Variants in CPXM2 observed in about 807,000 individuals in gnomAD.
CPXM2 encodes inactive carboxypeptidase-like protein X2.
In CPXM2, 66 loss-of-function variants were observed where a neutral mutation model predicts 86.1. The ratio of observed to expected loss-of-function variants is 0.77; its 90% CI spans 0.63 to 0.94. The LOEUF (loss-of-function observed/expected upper bound fraction) is 0.94. Ranked by LOEUF, CPXM2 falls within the 40% of genes least tolerant of loss-of-function variation. CPXM2 has a pLI of 0.00. For missense variants in CPXM2, 948 were observed against 1,026.3 expected, an observed-to-expected ratio of 0.92 and a Z score of 1.04; for synonymous variants, 388 against 400.2, an observed-to-expected ratio of 0.97 and a Z score of 0.36.
intron 2 of CPXM2, among the ~76,000 whole-genome samples, chr10:123,908,947 A>T (rs1331771420): frequency 1.3e-5 from 2 of 151,400 alleles, no homozygotes; most frequent in South Asian, 2.1e-4. Context: ...ATCTTCAATT[A>T]AAAAAAAAGA....
chr10:123,779,711 C>A (rs1685363965), intron 7 of CPXM2, among the ~76,000 whole-genome samples: 1 of 152,132 alleles, frequency 6.6e-6, no homozygotes, highest in Non-Finnish European at 1.5e-5. Flanking sequence ...GTTTTCCCAT[C>A]TGTAGATAAC....
chr10:123,843,017 T>C (rs1478855806), intron 3 of CPXM2, among the ~76,000 whole-genome samples: 1 of 152,212 alleles, frequency 6.6e-6, no homozygotes, highest in South Asian at 2.1e-4. Flanking sequence ...CAGGGGATAC[T>C]TGAAGTAGGT....
intron 4 of CPXM2, among the ~76,000 whole-genome samples, chr10:123,815,456 G>A (rs61863811): frequency 0.023 from 3,522 of 152,296 alleles, 56 homozygotes; most frequent in Non-Finnish European, 0.035. Flanking sequence ...GGAATGGGAC[G>A]TTTTGGAGGA....
chr10:123,798,476 C>G (rs1847382499), intron 5 of CPXM2, among the ~76,000 whole-genome samples: 1 of 152,084 alleles, frequency 6.6e-6, no homozygotes, highest in Non-Finnish European at 1.5e-5. Context: ...TGAAGGAAAG[C>G]TATTTAGATC....
At chr10:123,894,108 C>G (rs891753016), upstream of CPXM2, among the ~76,000 whole-genome samples, 1 of 152,220 alleles carries the variant, frequency 6.6e-6, no homozygotes, top group Non-Finnish European at 1.5e-5. Flanking sequence ...CCTGAGGACA[C>G]ACAGCAAGCT....
intron 13 of CPXM2, chr10:123,752,193 C>T (rs1305632471): frequency 3.0e-6 from 3 of 985,292 alleles, no homozygotes; most frequent in Non-Finnish European, 3.6e-6. Context: ...TGCGTGGTCT[C>T]TGGCACATTC....
intron 4 of CPXM2, among the ~76,000 whole-genome samples, chr10:123,822,556 G>A (rs1310718312): frequency 6.6e-6 from 1 of 151,980 alleles, no homozygotes; most frequent in African/African-American, 2.4e-5. Flanking sequence ...TTAATCTAGG[G>A]CGAGTTGGGG....
At chr10:123,820,629 T>A (rs1847905884) in intron 4 of CPXM2, among the ~76,000 whole-genome samples, 1 of 152,232 alleles carries the variant, frequency 6.6e-6, no homozygotes, top group African/African-American at 2.4e-5. Flanking sequence ...TAGCTCTCCC[T>A]GGGCTATAGT....
At chr10:123,812,033 G>T (rs888200772) in intron 4 of CPXM2, among the ~76,000 whole-genome samples, 1 of 152,290 alleles carries the variant, frequency 6.6e-6, no homozygotes, top group Non-Finnish European at 1.5e-5. Context: ...ACTACCATTT[G>T]CATACCTTCC....
chr10:123,930,007 G>A (rs1945654018), intron 2 of CPXM2, among the ~76,000 whole-genome samples: 1 of 152,152 alleles, frequency 6.6e-6, no homozygotes. Flanking sequence ...TGTGGGCGTG[G>A]CTGCCCAGCC....
At chr10:123,851,019 C>T (rs984812474) in intron 3 of CPXM2, among the ~76,000 whole-genome samples, 3 of 152,102 alleles carry the variant, frequency 2.0e-5, no homozygotes, top group Non-Finnish European at 4.4e-5. Context: ...TGATATTATC[C>T]TTTTTTCAAA....
intron 2 of CPXM2, among the ~76,000 whole-genome samples, chr10:123,899,300 A>G (rs1280989455): frequency 7.3e-6 from 1 of 136,858 alleles, no homozygotes; most frequent in Non-Finnish European, 1.6e-5. Flanking sequence ...ATAAAGTATA[A>G]TTAAGTAGGC....
At chr10:123,880,055 C>T (rs917845241) in intron 2 of CPXM2, among the ~76,000 whole-genome samples, 156 bp downstream of exon 2, 1 of 152,186 alleles carries the variant, frequency 6.6e-6, no homozygotes, top group African/African-American at 2.4e-5. Flanking sequence ...TGAATGTTCT[C>T]GCCCCCGCAC....
intron 7 of CPXM2, among the ~76,000 whole-genome samples, chr10:123,772,226 A>G (rs1846653293): frequency 6.6e-6 from 1 of 151,340 alleles, no homozygotes; most frequent in Non-Finnish European, 1.5e-5. Context: ...TGTGGTTATC[A>G]CCTCCATTGC....
At chr10:123,856,630 C>A (rs1564800121) in intron 3 of CPXM2, among the ~76,000 whole-genome samples, 1 of 151,924 alleles carries the variant, frequency 6.6e-6, no homozygotes, top group Admixed American at 6.6e-5. Context: ...CTCATCCTCT[C>A]GCCCAGGCTG....
At chr10:123,911,103 A>G (rs1945484746) in intron 2 of CPXM2, among the ~76,000 whole-genome samples, 1 of 152,132 alleles carries the variant, frequency 6.6e-6, no homozygotes, top group African/African-American at 2.4e-5. Context: ...CAAAGACCCT[A>G]TTTCCATATA....
intron 10 of CPXM2, among the ~76,000 whole-genome samples, chr10:123,765,469 A>C (rs926785117): frequency 2.6e-5 from 4 of 152,262 alleles, no homozygotes; most frequent in African/African-American, 9.6e-5. Flanking sequence ...AGTGGCTAAG[A>C]AAGCTGGCAA....
chr10:123,752,905 T>C (rs1185515631), intron 13 of CPXM2, among the ~76,000 whole-genome samples: 2 of 152,054 alleles, frequency 1.3e-5, no homozygotes, highest in Non-Finnish European at 2.9e-5. Flanking sequence ...CCTGACCTCA[T>C]GGGGGCGAAG....
At chr10:123,895,726 T>C (rs1945332629), upstream of CPXM2, among the ~76,000 whole-genome samples, 1 of 152,200 alleles carries the variant, frequency 6.6e-6, no homozygotes, top group South Asian at 2.1e-4. Context: ...GCACTGATTC[T>C]CCCTGGATGT....
Sources: gnomAD v4.1 joint callset for allele counts (sites outside exome capture counted in the v4.1 genomes callset) on GRCh38, gnomAD v4.1.1 for gene constraint, MANE v1.5 for transcripts, NCBI Gene and HGNC (gene_info 2026-07-23, HGNC 2026-07-21) for gene names.